SYN3: variants seen among roughly 807,000 people sequenced by gnomAD.
SYN3 encodes the protein synapsin III.
A neutral mutation model predicts 65.8 loss-of-function variants in SYN3; 35 were observed. The observed-to-expected ratio is 0.53, with a 90% CI of 0.41 to 0.70. SYN3 has a LOEUF of 0.70. Ranked by LOEUF, SYN3 falls within the 30% of genes least tolerant of loss-of-function variation. SYN3 has a pLI of 0.00. For missense variants in SYN3, 680 were observed against 749.0 expected (o/e 0.91, Z 1.08); for synonymous variants, 270 against 292.9 (o/e 0.92, Z 0.80).
At chr22:32,593,522 G>A (rs1420482452) in intron 7 of SYN3, among the ~76,000 whole-genome samples, 1 of 152,150 alleles carries the variant, frequency 6.6e-6, no homozygotes, top group East Asian at 1.9e-4. Context: ...GGAGGAGGGG[G>A]AGATGACTCC....
At chr22:32,625,610 G>A (rs1382364166) in intron 6 of SYN3, among the ~76,000 whole-genome samples, 2 of 152,150 alleles carry the variant, frequency 1.3e-5, no homozygotes. Context: ...TTTGGATAAG[G>A]GAGATGTTTG....
intron 3 of SYN3, among the ~76,000 whole-genome samples, chr22:32,937,509 A>AG: frequency 6.6e-6 from 1 of 152,298 alleles, no homozygotes; most frequent in East Asian, 1.9e-4. Flanking sequence ...TGGAAGGCCA[A>AG]GGGGGAAGCA....
intron 3 of SYN3, among the ~76,000 whole-genome samples, chr22:32,938,447 A>G (rs931627800): frequency 2.0e-5 from 3 of 151,476 alleles, no homozygotes; most frequent in Admixed American, 2.0e-4. Context: ...GGAGAATCGC[A>G]TGAACCCGGG....
At chr22:32,608,449 T>C (rs2059398642) in intron 6 of SYN3, among the ~76,000 whole-genome samples, 1 of 152,258 alleles carries the variant, frequency 6.6e-6, no homozygotes, top group African/African-American at 2.4e-5. Context: ...ATTACTTCAG[T>C]GTCCACATTT....
At chr22:32,521,747 ACCT>A (rs2057888599) in intron 12 of SYN3, among the ~76,000 whole-genome samples, 1 of 151,912 alleles carries the variant, frequency 6.6e-6, no homozygotes, top group African/African-American at 2.4e-5. Context: ...CGCCCAGCTC[ACCT>A]CCTGATTTTT....
chr22:33,000,574 C>T (rs1285501149), intron 2 of SYN3, among the ~76,000 whole-genome samples: 1 of 152,114 alleles, frequency 6.6e-6, no homozygotes, highest in Non-Finnish European at 1.5e-5. Context: ...GGCCCTGGAC[C>T]AGGAATGGGA....
At chr22:32,530,279 T>G (rs1183065653) in intron 10 of SYN3, 1 of 152,276 alleles carries the variant, frequency 6.6e-6, no homozygotes, top group Non-Finnish European at 1.5e-5. Flanking sequence ...TCCTACGTGC[T>G]ACGCTCTATT....
rs191172651 is a variant in SYN3, at chr22:32,537,357, C to T, written c.992+679G>A. On this transcript the variant is annotated intron_variant, in intron 9 of 13. Coordinates refer to ENST00000358763, the MANE Select transcript of SYN3 (RefSeq NM_003490.4). The stretch of plus-strand genomic sequence containing the variant: ...TATCTGTAGTAGAGATGGGGTTTCA[C>T]CATGTTGGCCAGGCTGGTCTTGAAC... 1.4e-4 allele frequency among the ~76,000 whole-genome samples: 22 copies of T among 152,220 alleles called. No homozygotes were observed. The East Asian group carries it at 2.9e-3, about 20-fold the overall frequency.
intron 4 of SYN3, among the ~76,000 whole-genome samples, chr22:32,926,952 CTGGGCA>C (rs2050489717): frequency 6.6e-6 from 1 of 152,166 alleles, no homozygotes; most frequent in Non-Finnish European, 1.5e-5. Context: ...CCTACAATGT[CTGGGCA>C]TCCTGTGGCC....
At chr22:32,566,264 G>A (rs759697392) in intron 7 of SYN3, among the ~76,000 whole-genome samples, 14 of 152,172 alleles carry the variant, frequency 9.2e-5, no homozygotes, top group Non-Finnish European at 1.9e-4. Context: ...AATTGGGTGT[G>A]TATTTTATAC....
chr22:32,787,319 A>AT (rs375480563), intron 6 of SYN3, among the ~76,000 whole-genome samples: 5 of 152,294 alleles, frequency 3.3e-5, no homozygotes, highest in Middle Eastern at 6.8e-3. Flanking sequence ...AAGTGCTGGG[A>AT]TTACAGGCGT....
chr22:32,650,561 C>T (rs923752902), intron 6 of SYN3, among the ~76,000 whole-genome samples: 1 of 152,074 alleles, frequency 6.6e-6, no homozygotes, highest in Non-Finnish European at 1.5e-5. Flanking sequence ...TACCTGGCTG[C>T]ACTTTACACT....
At chr22:32,889,645 C>A (rs1032729734) in intron 4 of SYN3, among the ~76,000 whole-genome samples, 20 of 152,046 alleles carry the variant, frequency 1.3e-4, no homozygotes, top group African/African-American at 4.8e-4. Flanking sequence ...TAGAATTATA[C>A]ATATATGCCA....
chr22:32,870,947 G>T (rs1350168447), intron 4 of SYN3, among the ~76,000 whole-genome samples: 1 of 152,126 alleles, frequency 6.6e-6, no homozygotes, highest in Non-Finnish European at 1.5e-5. Flanking sequence ...TTTACTAGAT[G>T]CTTGCTTGTC....
Position 32,801,212 on chromosome 22 carries a change from C to T in SYN3, c.711+63703G>A, listed in dbSNP as rs1372966357. 2.6e-5 allele frequency among the ~76,000 whole-genome samples: 4 copies of T among 152,228 alleles called. No homozygotes were observed. The highest frequency in any genetic ancestry group is 7.2e-5 in the African/African-American group (3 of 41,450). On this transcript the variant is annotated intron_variant, in intron 6 of 13. Coordinates refer to ENST00000358763, the MANE Select transcript of SYN3 (RefSeq NM_003490.4). This position sits in a 1 kb window ranked among gnomAD's most constrained non-coding sequence, Gnocchi z 4.7. ...GAGAGAGAGTTTGGGTCTTTCTCCT[C>T]TGTGCCTGCTCTCTCCAGAGAAACT... is the stretch of plus-strand genomic sequence containing the variant.
intron 6 of SYN3, among the ~76,000 whole-genome samples, chr22:32,705,315 C>T (rs1461692656): frequency 1.3e-5 from 2 of 152,178 alleles, no homozygotes; most frequent in Non-Finnish European, 2.9e-5. Context: ...ATAGGGAGTC[C>T]TTTCCCCATT....
At chr22:32,569,452 C>A (rs1027800519) in intron 7 of SYN3, among the ~76,000 whole-genome samples, 1 of 138,236 alleles carries the variant, frequency 7.2e-6, no homozygotes, top group Non-Finnish European at 1.6e-5. Context: ...TCTATCTTCT[C>A]TATCTATCTA....
intron 7 of SYN3, among the ~76,000 whole-genome samples, chr22:32,561,642 A>ACTC (rs2146354573): frequency 6.6e-6 from 1 of 152,044 alleles, no homozygotes; most frequent in African/African-American, 2.4e-5. Flanking sequence ...GCTGCCTGCC[A>ACTC]CTCACCCGTC....
chr22:32,864,834 C>T, intron 6 of SYN3, 81 bp downstream of exon 6: 1 of 1,315,044 alleles, frequency 7.6e-7, no homozygotes, highest in Non-Finnish European at 1.1e-6. Context: ...AGTCCACCTC[C>T]TCCATCCAAA....
Sources: gnomAD v4.1 joint callset for allele counts (sites outside exome capture counted in the v4.1 genomes callset) on GRCh38, gnomAD v4.1.1 for gene constraint, Gnocchi (gnomAD v3.1) non-coding constraint, MANE v1.5 for transcripts, NCBI Gene and HGNC (gene_info 2026-07-23, HGNC 2026-07-21) for gene names.